Variants in CD109 observed in about 807,000 individuals in gnomAD.
CD109 encodes CD109 molecule.
In CD109, 149 loss-of-function variants were observed where a neutral mutation model predicts 165.8. That is an observed-to-expected ratio of 0.90 (90% CI 0.79 to 1.03). The LOEUF (loss-of-function observed/expected upper bound fraction) is 1.03. CD109 is among the 50% of genes least tolerant of loss of function. The pLI, the probability that CD109 is intolerant of heterozygous loss-of-function variation, is 0.00. For missense variants in CD109, 1,712 were observed against 1,677.8 expected (o/e 1.02, Z -0.36); for synonymous variants, 585 against 592.1 (o/e 0.99, Z 0.18).
At chr6:73,741,100 C>CTT (rs79222141) in intron 5 of CD109, among the ~76,000 whole-genome samples, 1 of 144,306 alleles carries the variant, frequency 6.9e-6, no homozygotes, top group African/African-American at 2.5e-5. Context: ...TATACATAGA[C>CTT]TTTTTTTTTT....
At chr6:73,782,521 C>A in intron 17 of CD109, 93 bp from the exon 18 acceptor site, 1 of 1,243,706 alleles carries the variant, frequency 8.0e-7, no homozygotes, top group Non-Finnish European at 1.1e-6. Context: ...TCTCTGGACA[C>A]CTCAAGTGAT....
At chr6:73,704,145 A>C (rs374354245) in intron 2 of CD109, among the ~76,000 whole-genome samples, 1 of 149,074 alleles carries the variant, frequency 6.7e-6, no homozygotes, top group African/African-American at 2.5e-5. Flanking sequence ...GTACCAGTGC[A>C]CTCCAGCCTG....
At chr6:73,705,493 G>T (rs146469951) in intron 2 of CD109, among the ~76,000 whole-genome samples, 224 of 152,058 alleles carry the variant, frequency 1.5e-3, no homozygotes, top group African/African-American at 5.1e-3. Context: ...TAAAAAAAAG[G>T]TAGCTGGACG....
intron 32 of CD109, among the ~76,000 whole-genome samples, chr6:73,821,828 A>C (rs528988429): frequency 1.3e-5 from 2 of 152,316 alleles, no homozygotes; most frequent in Admixed American, 1.3e-4. Flanking sequence ...GCATCACATA[A>C]TATACCCTTG....
intron 14 of CD109, among the ~76,000 whole-genome samples, chr6:73,769,794 T>C (rs1773973549): frequency 6.6e-6 from 1 of 152,202 alleles, no homozygotes; most frequent in Non-Finnish European, 1.5e-5. Flanking sequence ...GGTCTAAGAC[T>C]GAGTCTTGAA....
intron 3 of CD109, among the ~76,000 whole-genome samples, chr6:73,730,039 C>G (rs190937786): frequency 6.6e-6 from 1 of 152,136 alleles, no homozygotes; most frequent in Non-Finnish European, 1.5e-5. Flanking sequence ...TTCTGACCTG[C>G]AATAACTGTT....
chr6:73,696,312 G>T (rs993256040), intron 1 of CD109, 23 bp downstream of exon 1: 3 of 1,384,502 alleles, frequency 2.2e-6, no homozygotes, highest in African/African-American at 1.5e-5. Flanking sequence ...GCGCGCGGGG[G>T]GCGCGCGGGC....
At chr6:73,715,552 G>A (rs1771705463) in intron 2 of CD109, among the ~76,000 whole-genome samples, 1 of 138,474 alleles carries the variant, frequency 7.2e-6, no homozygotes, top group Admixed American at 7.4e-5. Flanking sequence ...GTGACAGAGT[G>A]AGACCCTGTC....
At chr6:73,733,191 CTT>C (rs916991922) in intron 4 of CD109, among the ~76,000 whole-genome samples, 5 of 152,328 alleles carry the variant, frequency 3.3e-5, no homozygotes, top group African/African-American at 1.2e-4. Flanking sequence ...CTTGGCAAAA[CTT>C]TTCAGAACAA....
intron 21 of CD109, among the ~76,000 whole-genome samples, chr6:73,788,194 TAGTG>T (rs1297792255): frequency 5.3e-5 from 8 of 152,204 alleles, no homozygotes; most frequent in African/African-American, 1.4e-4. Flanking sequence ...GTACTGTACT[TAGTG>T]AGAAAATCTA....
chr6:73,715,565 CAA>C lies in CD109; in HGVS notation c.248-7669_248-7668del, dbSNP rs61331986. Reference sequence around the variant, plus strand: ...GGGTGACAGAGTGAGACCCTGTCTCCAAAAAAAAAAAAAAAAAAGGTATGTAT... The same window carrying C: ...GGGTGACAGAGTGAGACCCTGTCTCCAAAAAAAAAAAAAAAAGGTATGTAT... On this transcript the variant is annotated intron_variant, in intron 2 of 32. Transcript: ENST00000287097. Among the ~76,000 whole-genome samples the C allele has an allele frequency of 3.3e-3, 234 of 71,008 alleles. 1 individual carries two copies. The highest frequency in any genetic ancestry group is 0.02 in the Middle Eastern group (2 of 102). The allele number at this position is 71,008 out of a possible 152,430, so 46.6% of individuals were successfully genotyped here. A position where few individuals can be genotyped will look rare whatever the true frequency, so the allele number is the denominator to read the frequency against.
chr6:73,725,998 A>G (rs1182585200), intron 3 of CD109, among the ~76,000 whole-genome samples: 1 of 152,238 alleles, frequency 6.6e-6, no homozygotes, highest in South Asian at 2.1e-4. Flanking sequence ...TTAGAAATAA[A>G]GTGTATGGAC....
intron 2 of CD109, among the ~76,000 whole-genome samples, chr6:73,718,377 C>G (rs1035232220): frequency 3.9e-5 from 6 of 151,986 alleles, no homozygotes; most frequent in African/African-American, 1.4e-4. Flanking sequence ...ATCATACTAG[C>G]TGTGGGTCTG....
intron 2 of CD109, among the ~76,000 whole-genome samples, chr6:73,701,493 T>A (rs1345970866): frequency 6.6e-6 from 1 of 152,290 alleles, no homozygotes; most frequent in East Asian, 1.9e-4. Flanking sequence ...ATATTTTTTT[T>A]CTCTTTCCTT....
intron 2 of CD109, among the ~76,000 whole-genome samples, chr6:73,708,427 T>C (rs1162032510): frequency 6.6e-6 from 1 of 152,334 alleles, no homozygotes; most frequent in African/African-American, 2.4e-5. Flanking sequence ...GTTCCAAGTC[T>C]TTGCTATTGT....
intron 29 of CD109, among the ~76,000 whole-genome samples, chr6:73,814,182 G>T (rs1237103184): frequency 6.6e-6 from 1 of 152,062 alleles, no homozygotes; most frequent in African/African-American, 2.4e-5. Flanking sequence ...GTGTGTGCAC[G>T]TGTGCATATG....
intron 21 of CD109, among the ~76,000 whole-genome samples, chr6:73,787,804 AT>A (rs1185458325): frequency 2.0e-5 from 3 of 152,120 alleles, no homozygotes; most frequent in Non-Finnish European, 4.4e-5. Context: ...GATTTTGTAG[AT>A]TTTTTTCAGA....
chr6:73,818,084 A>G (rs1002209375), intron 30 of CD109, among the ~76,000 whole-genome samples: 2 of 152,098 alleles, frequency 1.3e-5, no homozygotes, highest in African/African-American at 4.8e-5. Context: ...TTGTCTGTTG[A>G]AAGGATGTAT....
At chr6:73,810,866 T>G (rs1487952741) in intron 27 of CD109, 126 bp from the exon 28 acceptor site, 8 of 893,294 alleles carry the variant, frequency 9.0e-6, no homozygotes, top group Non-Finnish European at 1.4e-5. Context: ...CATTCAAATA[T>G]GAATCAGGGA....
Sources: gnomAD v4.1 joint callset for allele counts (sites outside exome capture counted in the v4.1 genomes callset) on GRCh38, gnomAD v4.1.1 for gene constraint, MANE v1.5 for transcripts, NCBI Gene and HGNC (gene_info 2026-07-23, HGNC 2026-07-21) for gene names.